RNF216: variants seen among roughly 807,000 people sequenced by gnomAD.
The protein encoded by RNF216 is E3 ubiquitin-protein ligase RNF216.
Under a neutral mutation model 110.8 loss-of-function variants are expected in RNF216, and 72 were observed. That is an observed-to-expected ratio of 0.65 (90% CI 0.54 to 0.79). The LOEUF (loss-of-function observed/expected upper bound fraction) is 0.79. RNF216 is among the 30% of genes least tolerant of loss of function. RNF216 has a pLI of 0.00. For missense variants in RNF216, 1,342 were observed against 1,141.2 expected (o/e 1.18, Z -2.54); for synonymous variants, 495 against 407.5 (o/e 1.21, Z -2.59).
chr7:5,768,553 T>C (rs1417004752), intron 1 of RNF216, among the ~76,000 whole-genome samples: 4 of 152,108 alleles, frequency 2.6e-5, no homozygotes, highest in Non-Finnish European at 5.9e-5. Context: ...AAACAGACTG[T>C]ATGCCATGCC....
rs57849498 is a variant in RNF216, at chr7:5,673,158, G to A, written c.2062-20648C>T. On this transcript the variant is annotated intron_variant, in intron 13 of 16. Coordinates refer to ENST00000389902, the MANE Select transcript of RNF216 (RefSeq NM_207111.4). ...CTACAACACCAAATGCCCCACCTGCGGGCAGTACCGCACTGGTCACCAGCA... is the reference window on the plus strand; with the variant it reads ...CTACAACACCAAATGCCCCACCTGCAGGCAGTACCGCACTGGTCACCAGCA... Among the ~76,000 whole-genome samples the A allele has an allele frequency of 1.9e-3, 286 of 152,196 alleles. 6 individuals carry two copies. In the East Asian group the frequency reaches 0.042, roughly 23 times the overall value.
chr7:5,700,756 TGTCCTTCCACAAGGACA>T, intron 13 of RNF216, among the ~76,000 whole-genome samples: 1 of 152,320 alleles, frequency 6.6e-6, no homozygotes, highest in South Asian at 2.1e-4. Context: ...CAAGTAGGTG[TGTCCTTCCACAAGGACA>T]GTCCAAGGTG....
intron 10 of RNF216, 25 bp from the exon 11 acceptor site, chr7:5,715,215 T>G: frequency 6.2e-7 from 1 of 1,607,844 alleles, no homozygotes; most frequent in Non-Finnish European, 8.5e-7. Flanking sequence ...GAAACACACA[T>G]GAAATGTCCT....
intron 14 of RNF216, among the ~76,000 whole-genome samples, chr7:5,645,838 C>T (rs1266160094): frequency 1.3e-5 from 2 of 152,174 alleles, no homozygotes; most frequent in East Asian, 1.9e-4. Context: ...GATCCGCCCA[C>T]GTCAGCCTCC....
intron 13 of RNF216, among the ~76,000 whole-genome samples, chr7:5,660,956 T>TTTTTTTTTTG (rs1789094470): frequency 1.4e-5 from 2 of 146,314 alleles, no homozygotes; most frequent in Admixed American, 1.4e-4. Context: ...TTTTTTTTTT[T>TTTTTTTTTTG]TTTTTTTTTT....
intron 5 of RNF216, 25 bp downstream of exon 5, chr7:5,739,251 A>C (rs778321071): frequency 3.3e-6 from 5 of 1,514,682 alleles, no homozygotes; most frequent in African/African-American, 1.4e-5. Flanking sequence ...CCACCACCAC[A>C]AAAAAAGCAT....
At chr7:5,758,488 AT>A (rs1442539636) in intron 2 of RNF216, among the ~76,000 whole-genome samples, 1 of 152,102 alleles carries the variant, frequency 6.6e-6, no homozygotes, top group East Asian at 1.9e-4. Flanking sequence ...GGGTCCCCTT[AT>A]TTGCAGATTT....
intron 3 of RNF216, among the ~76,000 whole-genome samples, chr7:5,752,145 A>G (rs1012975190): frequency 3.3e-5 from 5 of 152,146 alleles, no homozygotes; most frequent in African/African-American, 1.2e-4. Flanking sequence ...AGATCGCGCC[A>G]CTGCACTCCA....
chr7:5,712,644 G>C (rs1792782999), intron 12 of RNF216, 71 bp downstream of exon 12: 2 of 1,454,910 alleles, frequency 1.4e-6, no homozygotes, highest in African/African-American at 1.4e-5. Flanking sequence ...TTCATCATCT[G>C]ATGCAAGTGC....
intron 1 of RNF216, among the ~76,000 whole-genome samples, chr7:5,768,743 G>T (rs1796338916): frequency 6.7e-6 from 1 of 149,298 alleles, no homozygotes; most frequent in Non-Finnish European, 1.5e-5. Context: ...CTCACTGCAA[G>T]CTCCGCCTCC....
chr7:5,736,536 C>T (rs1476049761), intron 5 of RNF216, among the ~76,000 whole-genome samples: 3 of 152,142 alleles, frequency 2.0e-5, no homozygotes, highest in Non-Finnish European at 4.4e-5. Context: ...TCTGCCCGGC[C>T]GCCACCCCGT....
chr7:5,672,894 T>A (rs1282486076), intron 13 of RNF216, among the ~76,000 whole-genome samples: 2 of 152,280 alleles, frequency 1.3e-5, no homozygotes, highest in Non-Finnish European at 1.5e-5. Flanking sequence ...GGAGCCCTAC[T>A]GGATTCTATC....
chr7:5,679,657 C>A (rs1790526279), intron 13 of RNF216, among the ~76,000 whole-genome samples: 3 of 152,324 alleles, frequency 2.0e-5, no homozygotes, highest in Admixed American at 6.5e-5. Context: ...CCACTGAAAT[C>A]GAGAGAATAG....
intron 15 of RNF216, among the ~76,000 whole-genome samples, chr7:5,631,937 C>T (rs796656309): frequency 1.6e-4 from 24 of 152,328 alleles, no homozygotes; most frequent in African/African-American, 4.8e-4. Context: ...CCCTTCTCCA[C>T]GCCACGGGAG....
At chr7:5,729,370 C>G (rs1584525552) in intron 7 of RNF216, 62 bp downstream of exon 7, 3 of 1,536,038 alleles carry the variant, frequency 2.0e-6, no homozygotes, top group Middle Eastern at 1.7e-4. Context: ...ACTGTTCATT[C>G]TGTTACCATG....
At chr7:5,629,826 CA>C (rs34172457) in intron 15 of RNF216, among the ~76,000 whole-genome samples, 1,067 of 54,026 alleles carry the variant, frequency 0.02, 4 homozygotes, top group South Asian at 0.054. Flanking sequence ...GACTCTGTCT[CA>C]AAAAAAAAAA....
At chr7:5,659,334 G>A (rs1380458136) in intron 13 of RNF216, among the ~76,000 whole-genome samples, 2 of 152,166 alleles carry the variant, frequency 1.3e-5, no homozygotes, top group African/African-American at 4.8e-5. Flanking sequence ...TGACACTAGG[G>A]GCCTAGTCAG....
chr7:5,668,850 A>G (rs186515627), intron 13 of RNF216, among the ~76,000 whole-genome samples: 6 of 152,214 alleles, frequency 3.9e-5, no homozygotes, highest in Admixed American at 3.9e-4. Flanking sequence ...TATCTTCCCC[A>G]TATCTTTACT....
intron 4 of RNF216, among the ~76,000 whole-genome samples, chr7:5,739,902 C>T (rs772185857): frequency 4.0e-5 from 6 of 151,146 alleles, no homozygotes; most frequent in Non-Finnish European, 7.4e-5. Flanking sequence ...ACTCGGGAGG[C>T]AGAGACAGAA....
Sources: gnomAD v4.1 joint callset for allele counts (sites outside exome capture counted in the v4.1 genomes callset) on GRCh38, gnomAD v4.1.1 for gene constraint, MANE v1.5 for transcripts, NCBI Gene and HGNC (gene_info 2026-07-23, HGNC 2026-07-21) for gene names.